HMMR: variants seen among roughly 807,000 people sequenced by gnomAD.
The protein encoded by HMMR is intracellular hyaluronic acid-binding protein.
Under a neutral mutation model 101.0 loss-of-function variants are expected in HMMR, and 108 were observed. The ratio of observed to expected loss-of-function variants is 1.07; its 90% CI spans 0.92 to 1.25. The LOEUF (loss-of-function observed/expected upper bound fraction) is 1.25, where lower values mean the gene tolerates loss of function less well. Among genes scored for constraint, HMMR ranks in the 50% most tolerant of loss-of-function variants. HMMR has a pLI of 0.00. For synonymous variants in HMMR, 296 were observed against 276.4 expected (o/e 1.07, Z -0.70); for missense variants, 813 against 788.7 (o/e 1.03, Z -0.37).
At chr5:163,486,129 T>G (rs1759469163) in intron 16 of HMMR, among the ~76,000 whole-genome samples, 1 of 152,230 alleles carries the variant, frequency 6.6e-6, no homozygotes, top group Admixed American at 6.5e-5. Context: ...CTGGACCTCT[T>G]GCAATTCTAT....
intron 3 of HMMR, among the ~76,000 whole-genome samples, chr5:163,467,104 A>G (rs1758729855): frequency 6.6e-6 from 1 of 152,204 alleles, no homozygotes; most frequent in South Asian, 2.1e-4. Flanking sequence ...GAAACATCTG[A>G]AACAGATTTC....
chr5:163,479,307 T>A (rs768713960), intron 12 of HMMR, among the ~76,000 whole-genome samples: 4 of 152,246 alleles, frequency 2.6e-5, no homozygotes, highest in Non-Finnish European at 2.9e-5. Flanking sequence ...TGTTTTCTCA[T>A]AATTTGAAAC....
chr5:163,463,032 G>GCTT (rs1758589455), intron 1 of HMMR, among the ~76,000 whole-genome samples: 1 of 152,070 alleles, frequency 6.6e-6, no homozygotes, highest in African/African-American at 2.4e-5. Context: ...TAGGCTAGTA[G>GCTT]TATTTTAATT....
Position 163,462,523 on chromosome 5 carries a change from G to A in HMMR, c.47-1333G>A, listed in dbSNP as rs373673854. Among the ~76,000 whole-genome samples, 21 of 152,072 alleles carry A rather than the reference G, an allele frequency of 1.4e-4. No homozygotes were observed. In the East Asian group the frequency reaches 2.3e-3, roughly 17 times the overall value. ...CTATTGTTTTTACTTTTTAAAAAAT[G>A]CTAATCAAGATCTACTCATGGGGCT... is the stretch of plus-strand genomic sequence containing the variant. On this transcript the variant is annotated intron_variant, in intron 1 of 17. Coordinates refer to ENST00000393915, the MANE Select transcript of HMMR (RefSeq NM_001142556.2).
chr5:163,471,404 G>C lies in HMMR; in HGVS notation c.591G>C (p.Gln197His). Residue 197 changes from glutamine to histidine, a missense_variant, in exon 7 of 18, where the codon CAG becomes CAC. Transcript: ENST00000393915. ...AAGAAGGCATGGAGATGAAGCTGCA[G>C]GTCACCCAAAGGAGTCTCGAAGAGT... ...AKQEGMEMKL[Q>H]VTQRSLEESQ... The C allele has an allele frequency of 6.2e-7, 1 of 1,614,110 alleles. No individual in the cohort carries two copies. The highest frequency in any genetic ancestry group is 1.3e-5 in the African/African-American group (1 of 75,030).
In HMMR at chr5:163,473,255, T is replaced by A; in HGVS notation, c.725+2T>A. ...CTTGGAATACATCGAAGAAATTAGG[T>A]AATATGAGCAGTAGCTTTAAATTGA... On this transcript the variant is annotated splice_donor_variant, in intron 8 of 17. Transcript: ENST00000393915. LOFTEE classifies it high-confidence loss of function. 6.5e-7 allele frequency: 1 copy of A among 1,540,606 alleles called. No homozygotes were observed. Among genetic ancestry groups the A allele is most frequent in the Non-Finnish European group, 8.9e-7 (1 of 1,118,362 alleles).
chr5:163,479,055 A>G (rs1430469856), intron 12 of HMMR, among the ~76,000 whole-genome samples: 1 of 152,172 alleles, frequency 6.6e-6, no homozygotes, highest in Non-Finnish European at 1.5e-5. Context: ...CAGGTGCGGC[A>G]GCATATGCCT....
chr5:163,481,741 T>G (rs1261082302), intron 12 of HMMR, among the ~76,000 whole-genome samples: 1 of 152,154 alleles, frequency 6.6e-6, no homozygotes, highest in Non-Finnish European at 1.5e-5. Flanking sequence ...AAAAGAGATC[T>G]TGTGTCTTTC....
At chr5:163,475,917 T>A (rs1212285604) in intron 11 of HMMR, among the ~76,000 whole-genome samples, 3 of 152,176 alleles carry the variant, frequency 2.0e-5, no homozygotes, top group Admixed American at 2.0e-4. Flanking sequence ...GCCCCCTTTT[T>A]TTAAGGCCAA....
Position 163,490,515 on chromosome 5 carries a change from T to C in HMMR, c.2088T>C (p.Ser696=), listed in dbSNP as rs1445373619. The C allele has an allele frequency of 3.1e-6, 5 of 1,603,110 alleles. No homozygotes were observed. The highest frequency in any genetic ancestry group is 4.2e-6 in the Non-Finnish European group (5 of 1,176,912). Residue 696 remains serine, a synonymous_variant, in exon 17 of 18, where the codon AGT becomes AGC. Transcript: ENST00000393915. The stretch of plus-strand genomic sequence containing the variant: ...CTTCAAAGGCTTTTCATCATGAAAG[T>C]AAAGAAAATTTTGCCCTGAAGACCC... ...FDPSKAFHHE[S]KENFALKTPL... is the part of the protein sequence containing the mutation.
chr5:163,470,788 GAGACCAGCCTGGGCAACATATCA>G (rs1758860728), intron 5 of HMMR, among the ~76,000 whole-genome samples: 1 of 152,134 alleles, frequency 6.6e-6, no homozygotes, highest in South Asian at 2.1e-4. Flanking sequence ...CCAGGAGTTT[GAGACCAGCCTGGGCAACATATCA>G]AGACCCCATC....
At chr5:163,480,416 T>A (rs772430764) in intron 12 of HMMR, among the ~76,000 whole-genome samples, 14 of 152,218 alleles carry the variant, frequency 9.2e-5, no homozygotes, top group Non-Finnish European at 1.6e-4. Context: ...TTGTTGATAG[T>A]CACTGCTATG....
rs998036400 is a variant in HMMR at position 163,468,895 on chromosome 5, T to G, written c.274-746T>G. ...GGTTTGGGTTTTTTTTTGTTTTTTG[T>G]TTTTTTAATCTGGTAATAGCAGCAA... On this transcript the variant is annotated intron_variant, in intron 4 of 17. Coordinates refer to ENST00000393915, the MANE Select transcript of HMMR (RefSeq NM_001142556.2). Among the ~76,000 whole-genome samples, 4 of 152,294 alleles carry G rather than the reference T, an allele frequency of 2.6e-5. No individual in the cohort carries two copies. In the South Asian group the frequency reaches 8.3e-4, roughly 32 times the overall value.
chr5:163,486,589 A>G (rs1212506848), intron 16 of HMMR, among the ~76,000 whole-genome samples: 1 of 152,152 alleles, frequency 6.6e-6, no homozygotes, highest in African/African-American at 2.4e-5. Flanking sequence ...TTATTTTCCA[A>G]TCTGGATGCC....
rs1183210871 is a variant in HMMR, at chr5:163,464,746, GA to G, written c.170del (p.Asp57AlafsTer29). 2.8e-5 allele frequency: 45 copies of G among 1,612,366 alleles called. No homozygotes were observed. The highest frequency in any genetic ancestry group is 3.6e-5 in the Non-Finnish European group (43 of 1,178,784). On this transcript the variant is annotated frameshift_variant, in exon 3 of 18. Coordinates refer to ENST00000393915, the MANE Select transcript of HMMR (RefSeq NM_001142556.2). LOFTEE classifies it high-confidence loss of function. ...AGAATCTAAACAAAATCTTAATGTTGACAAAGATACTACCTTGCCTGCTTCA... is the reference window on the plus strand; with the variant it reads ...AGAATCTAAACAAAATCTTAATGTTGCAAAGATACTACCTTGCCTGCTTCA... ...QKESKQNLNV[D>X]KDTTLPASAR...
chr5:163,462,486 G>A (rs1204466769), intron 1 of HMMR, among the ~76,000 whole-genome samples: 5 of 152,026 alleles, frequency 3.3e-5, no homozygotes, highest in Non-Finnish European at 7.4e-5. Flanking sequence ...CAGCATATGA[G>A]TCATGCTTTT....
chr5:163,471,462 C>T lies in HMMR; in HGVS notation c.649C>T (p.Leu217Phe), dbSNP rs1758889488. 6.3e-7 allele frequency: 1 copy of T among 1,593,396 alleles called. No homozygotes were observed. Among genetic ancestry groups the T allele is most frequent in the East Asian group, 2.2e-5 (1 of 44,782 alleles). ...QGKIAQLEGK[L>F]VSIEKEKIDE... ...GAAAATAGCCCAACTGGAGGGAAAA[C>T]TGTAAGTGAGTGAATGTGAAGAGAA... is the stretch of plus-strand genomic sequence containing the variant. The change falls in exon 7 of 18, where the codon CTT becomes TTT. Residue 217 changes from leucine (L) to phenylalanine (F), a missense_variant and splice_region_variant. Transcript: ENST00000393915.
intron 1 of HMMR, among the ~76,000 whole-genome samples, 199 bp from the exon 2 acceptor site, chr5:163,463,657 G>C (rs1027025149): frequency 1.3e-5 from 2 of 152,118 alleles, no homozygotes; most frequent in East Asian, 3.8e-4. Flanking sequence ...CTTTGACCCG[G>C]TTGATATAAA....
Position 163,491,201 on chromosome 5 carries a change from C to T in HMMR, c.*37C>T. On this transcript the variant is annotated 3_prime_UTR_variant, in exon 18 of 18. Transcript: ENST00000393915. The stretch of plus-strand genomic sequence containing the variant: ...ACCTGTTGAAGATTATTTCATTCGT[C>T]TTGTTGTTATTGATGTTGCTGTTAT... 1 of 1,216,994 alleles carries T rather than the reference C, an allele frequency of 8.2e-7. No individual in the cohort carries two copies. The highest frequency in any genetic ancestry group is 2.5e-5 in the East Asian group (1 of 39,338). The allele number at this position is 1,216,994 out of a possible 1,614,324, so 75.4% of individuals were successfully genotyped here.
Sources: allele counts gnomAD v4.1 joint callset (sites outside exome capture counted in the v4.1 genomes callset), GRCh38; gene constraint gnomAD v4.1.1; transcripts MANE v1.5; gene names NCBI Gene and HGNC (gene_info 2026-07-23, HGNC 2026-07-21).